F8: variants seen among roughly 807,000 people sequenced by gnomAD.
The protein encoded by F8 is coagulation factor VIII.
Under a neutral mutation model 140.6 loss-of-function variants are expected in F8, and 12 were observed. The observed-to-expected ratio is 0.09, with a 90% confidence interval of 0.05 to 0.14. The LOEUF (loss-of-function observed/expected upper bound fraction) is 0.14. F8 is among the 10% of genes least tolerant of loss of function. The pLI, the probability that F8 is intolerant of heterozygous loss-of-function variation, is 1.00. For missense variants in F8, 1,354 were observed against 1,720.7 expected, an observed-to-expected ratio of 0.79 and a Z score of 3.77; for synonymous variants, 585 against 614.6, an observed-to-expected ratio of 0.95 and a Z score of 0.71.
intron 13 of F8, among the ~76,000 whole-genome samples, chrX:154,936,642 G>A (rs973562591): frequency 8.9e-6 from 1 of 111,764 alleles, no homozygotes; most frequent in Non-Finnish European, 1.9e-5. Context: ...CAATCACAGA[G>A]ATGTCACAGT....
At chrX:154,862,508 T>A (rs1210437798) in intron 23 of F8, among the ~76,000 whole-genome samples, 1 of 111,120 alleles carries the variant, frequency 9.0e-6, no homozygotes, top group Non-Finnish European at 1.9e-5. Context: ...CTCACTCAGG[T>A]AGTGAGTGCA....
At chrX:154,952,582 C>T (rs1212687649) in intron 12 of F8, among the ~76,000 whole-genome samples, 3 of 101,892 alleles carry the variant, frequency 2.9e-5, no homozygotes, top group African/African-American at 7.3e-5. Flanking sequence ...CTCACTCTGT[C>T]GCCGGCCTGG....
chrX:154,931,729 C>G, intron 13 of F8, 53 bp from the exon 14 acceptor site: 1 of 1,065,860 alleles, frequency 9.4e-7, no homozygotes, highest in Non-Finnish European at 1.3e-6. Flanking sequence ...GATTCTAAAA[C>G]GTTCTGTTAG....
intron 14 of F8, among the ~76,000 whole-genome samples, chrX:154,925,448 A>G (rs1230056645): frequency 8.9e-6 from 1 of 112,030 alleles, no homozygotes; most frequent in African/African-American, 3.2e-5. Flanking sequence ...AGAAACTTGC[A>G]CCAGCATCTG....
intron 1 of F8, among the ~76,000 whole-genome samples, chrX:155,002,530 T>G (rs1569560024): frequency 9.1e-6 from 1 of 110,398 alleles, no homozygotes; most frequent in Non-Finnish European, 1.9e-5. Flanking sequence ...CTGGGACATC[T>G]GTCTTCTCCT....
At chrX:154,994,252 T>C (rs1288565947) in intron 3 of F8, among the ~76,000 whole-genome samples, 6 of 112,579 alleles carry the variant, frequency 5.3e-5, no homozygotes, top group Admixed American at 1.9e-4. Flanking sequence ...TTTATGATGA[T>C]GCATTTTAAT....
chrX:155,001,305 C>T (rs185661103), intron 1 of F8, among the ~76,000 whole-genome samples: 3 of 101,865 alleles, frequency 2.9e-5, no homozygotes, highest in East Asian at 3.1e-4. Context: ...AATTTACTAT[C>T]GTAAATCTTT....
intron 25 of F8, among the ~76,000 whole-genome samples, chrX:154,845,579 T>C (rs1207783076): frequency 1.8e-5 from 2 of 112,467 alleles, no homozygotes; most frequent in Admixed American, 9.4e-5. Flanking sequence ...TTTATTTACA[T>C]AGAGGTGTTT....
intron 14 of F8, among the ~76,000 whole-genome samples, chrX:154,917,932 T>C (rs1232289884): frequency 1.8e-5 from 2 of 112,305 alleles, no homozygotes; most frequent in Non-Finnish European, 3.8e-5. Flanking sequence ...ACTGGCTCCA[T>C]GCTGTTTCCA....
intron 13 of F8, among the ~76,000 whole-genome samples, chrX:154,941,410 A>G (rs2124071039): frequency 9.0e-6 from 1 of 111,536 alleles, no homozygotes; most frequent in South Asian, 3.8e-4. Flanking sequence ...AGATCAAAAG[A>G]GACAAAGAAG....
intron 13 of F8, among the ~76,000 whole-genome samples, chrX:154,943,032 C>G (rs1557279984): frequency 1.8e-5 from 2 of 111,244 alleles, no homozygotes; most frequent in Non-Finnish European, 3.8e-5. Flanking sequence ...ATAATAAGAG[C>G]TATCTATGGC....
chrX:154,893,891 C>T (rs1256730418), intron 22 of F8, among the ~76,000 whole-genome samples: 22 of 111,771 alleles, frequency 2.0e-4, no homozygotes, highest in Admixed American at 1.9e-3. Flanking sequence ...CAGCCCCTCC[C>T]AATCCTAAAG....
chrX:154,914,415 G>A (rs1483702073), intron 14 of F8, among the ~76,000 whole-genome samples: 1 of 112,504 alleles, frequency 8.9e-6, no homozygotes, highest in Non-Finnish European at 1.9e-5. Flanking sequence ...CCCAGAAAAT[G>A]GGTTTGTCTT....
intron 25 of F8, 48 bp downstream of exon 25, chrX:154,860,384 G>T: frequency 8.6e-7 from 1 of 1,163,906 alleles, no homozygotes; most frequent in Non-Finnish European, 1.2e-6. Flanking sequence ...TCTAGGAGAG[G>T]TGGTATTTTT....
At chrX:154,943,348 A>G (rs1186645407) in intron 13 of F8, among the ~76,000 whole-genome samples, 1 of 111,983 alleles carries the variant, frequency 8.9e-6, no homozygotes, top group Non-Finnish European at 1.9e-5. Context: ...ATGTACAAAA[A>G]TCACAAGCAT....
rs781994774 is a variant in F8, at chrX:155,013,750, T to A, written c.143+8660A>T. On this transcript the variant is annotated intron_variant, in intron 1 of 25. Coordinates refer to ENST00000360256, the MANE Select transcript of F8 (RefSeq NM_000132.4). Reference sequence around the variant, plus strand: ...CAACAGAAACTTATTTTCTCACAGTTCCGGAGGCTGGAAATCCAATATCAG... The same window carrying A: ...CAACAGAAACTTATTTTCTCACAGTACCGGAGGCTGGAAATCCAATATCAG... Among the ~76,000 whole-genome samples, 34 of 111,844 alleles carry A rather than the reference T, an allele frequency of 3.0e-4. No homozygotes were observed. In the Admixed American group the frequency reaches 3.1e-3, roughly 10 times the overall value.
chrX:154,980,710 C>T (rs150119762), intron 6 of F8, among the ~76,000 whole-genome samples: 54 of 111,790 alleles, frequency 4.8e-4, no homozygotes, highest in African/African-American at 1.7e-3. Context: ...TGTAACCTAG[C>T]ACTTTAGGAG....
intron 3 of F8, among the ~76,000 whole-genome samples, chrX:154,994,370 A>G (rs934513474): frequency 2.6e-4 from 29 of 112,324 alleles, no homozygotes; most frequent in African/African-American, 9.4e-4. Context: ...GATCCAGTTA[A>G]TATCACCTAA....
chrX:154,844,827 T>C, intron 25 of F8, among the ~76,000 whole-genome samples: 1 of 110,186 alleles, frequency 9.1e-6, no homozygotes, highest in African/African-American at 3.3e-5. Flanking sequence ...TCCAACACTA[T>C]GTTGAATAGG....
Sources: gnomAD v4.1 joint callset for allele counts (sites outside exome capture counted in the v4.1 genomes callset) on GRCh38, gnomAD v4.1.1 for gene constraint, MANE v1.5 for transcripts, NCBI Gene and HGNC (gene_info 2026-07-23, HGNC 2026-07-21) for gene names.